Variants in ATXN8OS observed in about 807,000 individuals in gnomAD.
ATXN8OS encodes the protein ATXN8 opposite strand lncRNA, also known as ATXN8 opposite strand (non-protein coding).
At chr13:70,142,941 C>T (rs1003089370) in intron 3 of ATXN8OS, among the ~76,000 whole-genome samples, 3 of 151,958 alleles carry the variant, frequency 2.0e-5, no homozygotes, top group African/African-American at 7.2e-5. Flanking sequence ...GGTGTGGTGG[C>T]ACACGCCTGT....
chr13:70,127,637 A>G (rs1359453913), intron 2 of ATXN8OS, among the ~76,000 whole-genome samples: 1 of 151,204 alleles, frequency 6.6e-6, no homozygotes, highest in Non-Finnish European at 1.5e-5. Context: ...CTTTCACCAG[A>G]TATCTGGAGG....
intron 1 of ATXN8OS, among the ~76,000 whole-genome samples, chr13:70,110,146 G>C (rs952892375): frequency 6.6e-6 from 1 of 152,010 alleles, no homozygotes; most frequent in East Asian, 1.9e-4. Flanking sequence ...TTAATTTGTG[G>C]TATAAAGGAA....
chr13:70,118,710 A>C (rs1309881680), intron 2 of ATXN8OS, among the ~76,000 whole-genome samples: 1 of 152,114 alleles, frequency 6.6e-6, no homozygotes, highest in Non-Finnish European at 1.5e-5. Flanking sequence ...TATAAAATAG[A>C]CTTAAAATTT....
intron 4 of ATXN8OS, among the ~76,000 whole-genome samples, chr13:70,150,605 C>T (rs1286123048): frequency 6.6e-6 from 1 of 152,068 alleles, no homozygotes; most frequent in Non-Finnish European, 1.5e-5. Flanking sequence ...CATTCCTTCT[C>T]TCTAGATTGA....
chr13:70,126,504 T>C (rs79188161), intron 2 of ATXN8OS, among the ~76,000 whole-genome samples: 6,528 of 152,098 alleles, frequency 0.043, 405 homozygotes, highest in African/African-American at 0.13. Flanking sequence ...TGAATAGATA[T>C]AGACATATGA....
upstream of ATXN8OS, chr13:70,107,704 T>C (rs184946008): frequency 1.5e-4 from 233 of 1,515,692 alleles, no homozygotes; most frequent in African/African-American, 2.6e-3. Flanking sequence ...TGACATGCTT[T>C]ACGCACAGAA....
At chr13:70,136,057 A>G (rs776558256) in intron 3 of ATXN8OS, among the ~76,000 whole-genome samples, 10 of 152,238 alleles carry the variant, frequency 6.6e-5, no homozygotes, top group Non-Finnish European at 1.3e-4. Context: ...GAAGCAAATT[A>G]GAAAATCCTC....
chr13:70,155,303 C>G (rs192276153), intron 4 of ATXN8OS, among the ~76,000 whole-genome samples: 1 of 152,278 alleles, frequency 6.6e-6, no homozygotes, highest in African/African-American at 2.4e-5. Context: ...ATCTGCTCCT[C>G]TTTTAAACCT....
chr13:70,129,975 C>T (rs113670725), intron 3 of ATXN8OS: 4 of 396,960 alleles, frequency 1.0e-5, no homozygotes, highest in African/African-American at 8.2e-5. Flanking sequence ...GGTGGATCAA[C>T]TACATGTTAG....
At chr13:70,127,263 A>G (rs915559429) in intron 2 of ATXN8OS, among the ~76,000 whole-genome samples, 4 of 152,050 alleles carry the variant, frequency 2.6e-5, no homozygotes, top group African/African-American at 9.7e-5. Context: ...TCAAGGTAGG[A>G]GATCTAGATC....
intron 3 of ATXN8OS, chr13:70,139,351 T>TTACTACTACTGC: frequency 1.8e-6 from 1 of 547,474 alleles, no homozygotes; most frequent in Non-Finnish European, 3.2e-6. Flanking sequence ...AAACCTGGCT[T>TTACTACTACTGC]TACTACTACT....
chr13:70,143,526 C>A (rs1888744062), intron 3 of ATXN8OS, among the ~76,000 whole-genome samples: 1 of 152,066 alleles, frequency 6.6e-6, no homozygotes, highest in South Asian at 2.1e-4. Context: ...ATACTTTCTG[C>A]AAATTTGAAA....
chr13:70,170,277 A>G, exon 5 of ATXN8OS, among the ~76,000 whole-genome samples: 1 of 152,124 alleles, frequency 6.6e-6, no homozygotes, highest in East Asian at 1.9e-4. Flanking sequence ...ATGAGTTTAT[A>G]TAGAGAAATG....
intron 1 of ATXN8OS, among the ~76,000 whole-genome samples, chr13:70,112,955 C>T (rs997846999): frequency 1.6e-5 from 2 of 127,454 alleles, no homozygotes; most frequent in Non-Finnish European, 3.1e-5. Context: ...TGGAGTCTCG[C>T]TCTGTCGCCG....
At chr13:70,131,582 C>CT (rs1213525915) in intron 3 of ATXN8OS, 2 of 397,742 alleles carry the variant, frequency 5.0e-6, no homozygotes, top group Non-Finnish European at 8.9e-6. Context: ...ACATTAAATA[C>CT]TTTTTACCAC....
chr13:70,147,045 G>A (rs1888796164), intron 3 of ATXN8OS, among the ~76,000 whole-genome samples: 1 of 152,144 alleles, frequency 6.6e-6, no homozygotes, highest in African/African-American at 2.4e-5. Flanking sequence ...AAATGGGAAT[G>A]ACTGTGTTGT....
chr13:70,170,067 C>T (rs1367090512), exon 5 of ATXN8OS, among the ~76,000 whole-genome samples: 1 of 152,142 alleles, frequency 6.6e-6, no homozygotes, highest in Non-Finnish European at 1.5e-5. Flanking sequence ...ATCGACTACA[C>T]TCACAAAGTA....
chr13:70,157,564 A>C (rs1262751761), intron 4 of ATXN8OS, among the ~76,000 whole-genome samples: 1 of 151,816 alleles, frequency 6.6e-6, no homozygotes, highest in African/African-American at 2.4e-5. Context: ...TAAAAAAAAA[A>C]ACAAAAACAC....
At chr13:70,166,348 C>A (rs1241288677) in intron 4 of ATXN8OS, among the ~76,000 whole-genome samples, 1 of 151,994 alleles carries the variant, frequency 6.6e-6, no homozygotes, top group Non-Finnish European at 1.5e-5. Context: ...ACAGAACCCT[C>A]AGAAATAATC....
Sources: allele counts gnomAD v4.1 joint callset (sites outside exome capture counted in the v4.1 genomes callset), GRCh38; gene constraint gnomAD v4.1.1; transcripts MANE v1.5; gene names NCBI Gene and HGNC (gene_info 2026-07-23, HGNC 2026-07-21).